The following TAFA2 variants were observed in gnomAD, a reference collection of about 807,000 sequenced individuals.
TAFA2 encodes TAFA chemokine like family member 2.
TAFA2 carries 7 observed loss-of-function variants against 18.8 expected under a neutral mutation model. The observed-to-expected ratio is 0.37, with a 90% confidence interval of 0.21 to 0.70. The LOEUF (loss-of-function observed/expected upper bound fraction) is 0.70. Ranked by LOEUF, TAFA2 falls within the 30% of genes least tolerant of loss-of-function variation. The pLI is 0.53. For missense variants in TAFA2, 122 were observed against 158.1 expected, an observed-to-expected ratio of 0.77 and a Z score of 1.23; for synonymous variants, 60 against 54.2, an observed-to-expected ratio of 1.11 and a Z score of -0.47.
At position 62,078,262 on chromosome 12, in the gene TAFA2, G is replaced by A. The variant is rs889809921; in HGVS notation, c.-2+112997C>T. Among the ~76,000 whole-genome samples, 27 of 152,200 alleles carry A rather than the reference G, an allele frequency of 1.8e-4. No individual in the cohort carries two copies. The East Asian group carries it at 1.9e-3, about 11-fold the overall frequency. ...CTAACCATAAAAGGCAGAGCCTAACGTTTACCTCCTTGAACAATGTCTCCC... is the reference window on the plus strand; with the variant it reads ...CTAACCATAAAAGGCAGAGCCTAACATTTACCTCCTTGAACAATGTCTCCC... On this transcript the variant is annotated intron_variant, in intron 1 of 4. Coordinates refer to ENST00000416284, the MANE Select transcript of TAFA2 (RefSeq NM_178539.5).
At chr12:62,027,086 T>C (rs1170314637) in intron 1 of TAFA2, among the ~76,000 whole-genome samples, 2 of 152,184 alleles carry the variant, frequency 1.3e-5, no homozygotes, top group Non-Finnish European at 2.9e-5. Flanking sequence ...TTTTTAAATT[T>C]AGCTAAATAA....
intron 1 of TAFA2, among the ~76,000 whole-genome samples, chr12:62,210,786 TAAG>T (rs899537652): frequency 2.6e-5 from 4 of 152,014 alleles, no homozygotes; most frequent in African/African-American, 9.7e-5. Flanking sequence ...TAAAAAATAA[TAAG>T]AATAGAGAAA....
intron 4 of TAFA2, among the ~76,000 whole-genome samples, chr12:61,749,776 A>G (rs2120740986): frequency 6.6e-6 from 1 of 152,230 alleles, no homozygotes; most frequent in South Asian, 2.1e-4. Flanking sequence ...CATAAAGGTA[A>G]TCTTCCTAAA....
intron 1 of TAFA2, among the ~76,000 whole-genome samples, chr12:62,198,815 A>T (rs1286195556): frequency 6.6e-6 from 1 of 152,230 alleles, no homozygotes; most frequent in Non-Finnish European, 1.5e-5. Context: ...CCTTACACAC[A>T]ATAAATACTC....
At chr12:61,771,756 T>C (rs900299471) in intron 2 of TAFA2, among the ~76,000 whole-genome samples, 5 of 151,824 alleles carry the variant, frequency 3.3e-5, no homozygotes, top group Non-Finnish European at 7.4e-5. Flanking sequence ...GTTTGTAGCA[T>C]TGAATGCCTA....
chr12:62,167,472 C>G (rs1428912947), intron 1 of TAFA2, among the ~76,000 whole-genome samples: 1 of 152,044 alleles, frequency 6.6e-6, no homozygotes, highest in Non-Finnish European at 1.5e-5. Context: ...ATGTACATTG[C>G]AGGATAAAAC....
At chr12:61,868,302 C>A (rs762351931) in intron 1 of TAFA2, among the ~76,000 whole-genome samples, 3 of 152,060 alleles carry the variant, frequency 2.0e-5, no homozygotes, top group Non-Finnish European at 4.4e-5. Flanking sequence ...AGTAAAAATA[C>A]AAACCCAGAA....
intron 1 of TAFA2, among the ~76,000 whole-genome samples, chr12:62,223,334 C>T (rs180756403): frequency 7.2e-5 from 11 of 152,226 alleles, no homozygotes; most frequent in South Asian, 2.1e-4. Flanking sequence ...ATGCGCCAAC[C>T]ATCCCTGGCT....
At chr12:61,959,864 T>C (rs1878821658) in intron 1 of TAFA2, among the ~76,000 whole-genome samples, 1 of 151,500 alleles carries the variant, frequency 6.6e-6, no homozygotes, top group Non-Finnish European at 1.5e-5. Flanking sequence ...TGCATCACTA[T>C]TTTTTTTTAT....
intron 1 of TAFA2, among the ~76,000 whole-genome samples, chr12:62,016,041 T>C (rs931252580): frequency 7.0e-6 from 1 of 143,314 alleles, no homozygotes; most frequent in African/African-American, 2.5e-5. Flanking sequence ...CAATGATAAA[T>C]TTTATATTGT....
Position 62,153,921 on chromosome 12 carries a change from A to ATTATGCTATGTTATGTTATG in TAFA2, c.-2+37337_-2+37338insCATAACATAACATAGCATAA, listed in dbSNP as rs2062348360. On this transcript the variant is annotated intron_variant, in intron 1 of 4. Coordinates refer to ENST00000416284, the MANE Select transcript of TAFA2 (RefSeq NM_178539.5). ...TATACACAGGCATGAACATAACAAAATTATGTTATGTTATGTTATGTTATG... is the reference window on the plus strand; with the variant it reads ...TATACACAGGCATGAACATAACAAAATTATGCTATGTTATGTTATGTTATGTTATGTTATGTTATGTTATG... Among the ~76,000 whole-genome samples the ATTATGCTATGTTATGTTATG allele has an allele frequency of 2.4e-5, 3 of 124,126 alleles. No individual in the cohort carries two copies. In the South Asian group the frequency reaches 8.9e-4, roughly 37 times the overall value. The allele number at this position is 124,126 out of a possible 152,430, so 81.4% of individuals were successfully genotyped here.
Position 61,987,013 on chromosome 12 carries a change from A to G in TAFA2, c.-1-119587T>C, listed in dbSNP as rs1027127553. Among the ~76,000 whole-genome samples, 4 of 152,190 alleles carry G rather than the reference A, an allele frequency of 2.6e-5. No homozygotes were observed. In the South Asian group the frequency reaches 8.3e-4, roughly 31 times the overall value. On this transcript the variant is annotated intron_variant, in intron 1 of 4. Transcript: ENST00000416284. Reference sequence around the variant, plus strand: ...CATCTTGAGGAATTATTTTAAATAGACCATATAAATTATTTCTTTTCATCT... The same window carrying G: ...CATCTTGAGGAATTATTTTAAATAGGCCATATAAATTATTTCTTTTCATCT...
chr12:62,166,136 T>C (rs922571138), intron 1 of TAFA2, among the ~76,000 whole-genome samples: 1 of 152,100 alleles, frequency 6.6e-6, no homozygotes, highest in African/African-American at 2.4e-5. Context: ...TCTTTTCTTA[T>C]ATTTTATCTA....
intron 1 of TAFA2, among the ~76,000 whole-genome samples, chr12:61,905,329 A>C (rs1592475045): frequency 6.6e-6 from 1 of 152,318 alleles, no homozygotes; most frequent in East Asian, 1.9e-4. Flanking sequence ...CCACAAAAGA[A>C]AGACCAGTAA....
At chr12:61,860,302 A>G (rs35378675) in intron 2 of TAFA2, among the ~76,000 whole-genome samples, 43,654 of 151,856 alleles carry the variant, frequency 0.29, 6,778 homozygotes, top group South Asian at 0.4. Flanking sequence ...CATAATAAAA[A>G]TGTGTCATTA....
upstream of TAFA2, among the ~76,000 whole-genome samples, chr12:62,196,390 C>T (rs558242791): frequency 4.6e-5 from 7 of 152,306 alleles, no homozygotes; most frequent in South Asian, 1.4e-3. Flanking sequence ...AGCAGTTTGG[C>T]TCAAGAGGCC....
chr12:61,997,167 A>ATGTGTGTG lies in TAFA2; in HGVS notation c.-1-129749_-1-129742dup, dbSNP rs35419865. ...GATACATACTAGACTATATGTATAT[A>ATGTGTGTG]TGTGTGTGTGTGTGTGTGTGTGTGT... On this transcript the variant is annotated intron_variant, in intron 1 of 4. Coordinates refer to ENST00000416284, the MANE Select transcript of TAFA2 (RefSeq NM_178539.5). 3.6e-3 allele frequency among the ~76,000 whole-genome samples: 531 copies of ATGTGTGTG among 145,608 alleles called. 5 individuals are homozygous for ATGTGTGTG. The highest frequency in any genetic ancestry group is 8.2e-3 in the African/African-American group (321 of 39,344).
At chr12:62,249,459 C>T (rs2062901962) in intron 1 of TAFA2, among the ~76,000 whole-genome samples, 3 of 152,084 alleles carry the variant, frequency 2.0e-5, no homozygotes. Flanking sequence ...AGTTCTTACT[C>T]TATTAGTTCC....
intron 1 of TAFA2, chr12:62,234,878 G>T (rs2062829200): frequency 3.9e-6 from 4 of 1,026,266 alleles, no homozygotes; most frequent in South Asian, 2.5e-5. Context: ...TCAGCTCGGG[G>T]CATCCCACGA....
Sources: gnomAD v4.1 joint callset for allele counts (sites outside exome capture counted in the v4.1 genomes callset) on GRCh38, gnomAD v4.1.1 for gene constraint, MANE v1.5 for transcripts, NCBI Gene and HGNC (gene_info 2026-07-23, HGNC 2026-07-21) for gene names.